Variants in CBL observed in about 807,000 individuals in gnomAD.
CBL encodes the protein E3 ubiquitin-protein ligase CBL.
CBL carries 45 observed loss-of-function variants against 96.9 expected under a neutral mutation model. That is an observed-to-expected ratio of 0.46 (90% confidence interval 0.37 to 0.60). The LOEUF (loss-of-function observed/expected upper bound fraction) is 0.60, where lower values mean the gene tolerates loss of function less well. Among genes scored for constraint, CBL ranks in the 20% least tolerant of loss-of-function variants. The pLI, the probability that CBL is intolerant of heterozygous loss-of-function variation, is 0.00. For missense variants in CBL, 1,024 were observed against 1,143.5 expected, an observed-to-expected ratio of 0.90 and a Z score of 1.51; for synonymous variants, 420 against 426.8, an observed-to-expected ratio of 0.98 and a Z score of 0.20.
intron 15 of CBL, 116 bp downstream of exon 15, chr11:119,298,656 A>T (rs1284659832): frequency 2.2e-6 from 2 of 907,168 alleles, no homozygotes; most frequent in Non-Finnish European, 1.8e-6. Flanking sequence ...GCTAAACATT[A>T]TGTCTAAATG....
At chr11:119,229,508 A>G (rs537837831) in intron 1 of CBL, among the ~76,000 whole-genome samples, 7 of 152,238 alleles carry the variant, frequency 4.6e-5, no homozygotes, top group Non-Finnish European at 2.9e-5. Context: ...CCGGCTATTC[A>G]GGCAGTTTAG....
rs939638132 is a variant in CBL at position 119,307,689 on chromosome 11, A to G, written c.*7908A>G. 4 of 226,190 alleles carry G rather than the reference A, an allele frequency of 1.8e-5. No individual in the cohort carries two copies. Among genetic ancestry groups the G allele is most frequent in the Middle Eastern group, 1.3e-3 (1 of 766 alleles). The allele number at this position is 226,190 out of a possible 1,614,324, so 14.0% of individuals were successfully genotyped here. On this transcript the variant is annotated 3_prime_UTR_variant, in exon 16 of 16. Coordinates refer to ENST00000264033, the MANE Select transcript of CBL (RefSeq NM_005188.4). ...CCTTTAACTAATAAAGAATTGGGAG[A>G]CAGAAATTTTAAAGTCCTCCTTATT...
chr11:119,264,442 T>TCTTCTCTTCTCTTCTTTCTC (rs5795173), intron 2 of CBL, among the ~76,000 whole-genome samples: 160 of 44,384 alleles, frequency 3.6e-3, no homozygotes, highest in African/African-American at 7.0e-3. Flanking sequence ...TCTTCTCTTC[T>TCTTCTCTTCTCTTCTTTCTC]TTCTCTTCTC....
At chr11:119,207,321 A>G (rs1949279125) in intron 1 of CBL, among the ~76,000 whole-genome samples, 1 of 152,212 alleles carries the variant, frequency 6.6e-6, no homozygotes. Flanking sequence ...AGTTCTGGTT[A>G]GAACTATTAT....
chr11:119,223,222 C>T (rs1949425178), intron 1 of CBL, among the ~76,000 whole-genome samples: 1 of 109,402 alleles, frequency 9.1e-6, no homozygotes, highest in South Asian at 3.2e-4. Context: ...TTTAAAGAGA[C>T]AGATCTTGCC....
chr11:119,271,872 T>G lies in CBL; in HGVS notation c.581T>G (p.Phe194Cys). 6.2e-7 allele frequency: 1 copy of G among 1,613,988 alleles called. No homozygotes were observed. Among genetic ancestry groups the G allele is most frequent in the South Asian group, 1.1e-5 (1 of 91,066 alleles). ...GCTGCGGAATTTTGGAGAAAAGCTT[T>G]TGGGGAAAAGTAAGTCTCAGAATAA... is the stretch of plus-strand genomic sequence containing the variant. ...ADAAEFWRKAFGEKTIVPWKS... is the reference protein window; with the variant it reads ...ADAAEFWRKACGEKTIVPWKS... Residue 194 changes from phenylalanine (F) to cysteine (C), a missense_variant, in exon 3 of 16, where the codon TTT (phenylalanine) becomes TGT (cysteine). Transcript: ENST00000264033.
intron 2 of CBL, among the ~76,000 whole-genome samples, chr11:119,269,997 AAAAT>A (rs151010037): frequency 0.27 from 41,653 of 151,588 alleles, 6,133 homozygotes; most frequent in South Asian, 0.58. Context: ...ACTCCGTCTC[AAAAT>A]AAATAAATAA....
At position 119,299,476 on chromosome 11, in the gene CBL, T is replaced by G; in HGVS notation, c.2435-19T>G. The G allele has an allele frequency of 6.2e-7, 1 of 1,611,942 alleles. No homozygotes were observed. Among genetic ancestry groups the G allele is most frequent in the Non-Finnish European group, 8.5e-7 (1 of 1,178,040 alleles). On this transcript the variant is annotated intron_variant, in intron 15 of 15. Transcript: ENST00000264033. ...GATTTCCCCAGATTTGCAAATATTTTCTTTCCTATTTCTTCTAGATGTCAC... is the reference window on the plus strand; with the variant it reads ...GATTTCCCCAGATTTGCAAATATTTGCTTTCCTATTTCTTCTAGATGTCAC...
At chr11:119,247,736 C>T (rs572828589) in intron 2 of CBL, among the ~76,000 whole-genome samples, 23 of 152,242 alleles carry the variant, frequency 1.5e-4, no homozygotes, top group Admixed American at 1.0e-3. Flanking sequence ...GCTTGAAACC[C>T]GGCAGGCAGG....
chr11:119,209,397 C>T (rs1464888093), intron 1 of CBL, among the ~76,000 whole-genome samples: 1 of 152,162 alleles, frequency 6.6e-6, no homozygotes, highest in African/African-American at 2.4e-5. Context: ...GTGGGCGGCT[C>T]ACTTGAGGTC....
At chr11:119,237,230 A>C (rs992436575) in intron 2 of CBL, among the ~76,000 whole-genome samples, 2 of 152,232 alleles carry the variant, frequency 1.3e-5, no homozygotes, top group Non-Finnish European at 2.9e-5. Flanking sequence ...TTGGAGAAAC[A>C]TCTATTCAAA....
At chr11:119,278,058 TTATA>T (rs1479508611) in intron 7 of CBL, 104 bp from the exon 8 acceptor site, 3 of 1,067,026 alleles carry the variant, frequency 2.8e-6, no homozygotes, top group Admixed American at 2.2e-5. Context: ...TGTGACATTT[TTATA>T]TAAGCAAAAT....
chr11:119,221,618 A>ATTAGCCAGGCGTGGT (rs1222683811), intron 1 of CBL, among the ~76,000 whole-genome samples: 1 of 152,048 alleles, frequency 6.6e-6, no homozygotes, highest in Non-Finnish European at 1.5e-5. Flanking sequence ...ATACAAAAAA[A>ATTAGCCAGGCGTGGT]TTAGCCAGGC....
Position 119,244,581 on chromosome 11 carries a change from A to ATTTTTTTTTTTTTTT in CBL, c.443+11890_443+11904dup, listed in dbSNP as rs532837579. 1.8e-4 allele frequency among the ~76,000 whole-genome samples: 19 copies of ATTTTTTTTTTTTTTT among 104,400 alleles called. 1 individual carries two copies. The highest frequency in any genetic ancestry group is 9.0e-4 in the South Asian group (2 of 2,234). 68.5% of individuals were successfully genotyped at this position (104,400 alleles called of 152,430 possible). A position where few individuals can be genotyped will look rare whatever the true frequency, so the allele number is the denominator to read the frequency against. ...AGGTGCATGCTACCATGCCCGGCTA[A>ATTTTTTTTTTTTTTT]TTTTTTTTTTTTTTTTTTGAGACGG... On this transcript the variant is annotated intron_variant, in intron 2 of 15. Coordinates refer to ENST00000264033, the MANE Select transcript of CBL (RefSeq NM_005188.4).
intron 2 of CBL, among the ~76,000 whole-genome samples, chr11:119,258,331 G>A (rs541447544): frequency 1.3e-5 from 2 of 152,264 alleles, no homozygotes; most frequent in South Asian, 4.1e-4. Flanking sequence ...GAAGCATAGT[G>A]GCTTCTGCTT....
intron 2 of CBL, among the ~76,000 whole-genome samples, chr11:119,251,725 A>G (rs1565864966): frequency 6.6e-6 from 1 of 152,102 alleles, no homozygotes; most frequent in East Asian, 1.9e-4. Flanking sequence ...TCCTGCACCC[A>G]CCCCCAAGAA....
In CBL at chr11:119,245,956, C is replaced by CTTTTTTTTTTTTTTTT. The variant is rs71048054; in HGVS notation, c.443+13280_443+13295dup. 7.4e-5 allele frequency among the ~76,000 whole-genome samples: 4 copies of CTTTTTTTTTTTTTTTT among 54,300 alleles called. 1 individual carries two copies. The highest frequency in any genetic ancestry group is 1.0e-4 in the Non-Finnish European group (3 of 29,912). 35.6% of individuals were successfully genotyped at this position (54,300 alleles called of 152,430 possible). A position where few individuals can be genotyped will look rare whatever the true frequency, so the allele number is the denominator to read the frequency against. On this transcript the variant is annotated intron_variant, in intron 2 of 15. Transcript: ENST00000264033. ...TAAGACAGACGCATTCTTTGCAAATCTTTTTTTTTTTTTTTTTTTTTTTTT... is the reference window on the plus strand; with the variant it reads ...TAAGACAGACGCATTCTTTGCAAATCTTTTTTTTTTTTTTTTTTTTTTTTTTTTTTTTTTTTTTTTT...
chr11:119,219,938 C>T (rs1316973346), intron 1 of CBL, among the ~76,000 whole-genome samples: 2 of 151,888 alleles, frequency 1.3e-5, no homozygotes, highest in African/African-American at 4.8e-5. Flanking sequence ...CAACCTCCGC[C>T]TCCCGGGTTC....
intron 2 of CBL, among the ~76,000 whole-genome samples, chr11:119,249,990 A>G (rs1565864539): frequency 6.6e-6 from 1 of 152,122 alleles, no homozygotes; most frequent in Non-Finnish European, 1.5e-5. Flanking sequence ...TTTGTCACTC[A>G]TAGATTTAAT....
Sources: allele counts gnomAD v4.1 joint callset (sites outside exome capture counted in the v4.1 genomes callset), GRCh38; gene constraint gnomAD v4.1.1; transcripts MANE v1.5; gene names NCBI Gene and HGNC (gene_info 2026-07-23, HGNC 2026-07-21).